CNTNAP2: variants seen among roughly 807,000 people sequenced by gnomAD.
CNTNAP2 encodes the protein contactin associated protein 2.
CNTNAP2 carries 98 observed loss-of-function variants against 155.2 expected under a neutral mutation model. The ratio of observed to expected loss-of-function variants is 0.63; its 90% CI spans 0.54 to 0.75. CNTNAP2 has a LOEUF of 0.75. Among genes scored for constraint, CNTNAP2 ranks in the 30% least tolerant of loss-of-function variants. The pLI is 0.00. For synonymous variants in CNTNAP2, 651 were observed against 631.2 expected (o/e 1.03, Z -0.47); for missense variants, 1,727 against 1,688.1 (o/e 1.02, Z -0.40).
chr7:146,991,837 A>G (rs1390447293), intron 3 of CNTNAP2, among the ~76,000 whole-genome samples: 1 of 152,212 alleles, frequency 6.6e-6, no homozygotes, highest in African/African-American at 2.4e-5. Flanking sequence ...GAACTTAACA[A>G]TGTGAATGGC....
At chr7:147,592,821 A>T (rs1800764692) in intron 12 of CNTNAP2, among the ~76,000 whole-genome samples, 1 of 152,204 alleles carries the variant, frequency 6.6e-6, no homozygotes, top group African/African-American at 2.4e-5. Context: ...GGCCCTAAGG[A>T]CAAATGAAGA....
chr7:147,066,271 G>A (rs571459497), intron 4 of CNTNAP2, among the ~76,000 whole-genome samples: 43 of 151,574 alleles, frequency 2.8e-4, no homozygotes, highest in African/African-American at 7.3e-4. Context: ...AGGTTATTTC[G>A]TCAGTTCTGT....
intron 13 of CNTNAP2, 37 bp downstream of exon 13, chr7:147,639,343 C>T: frequency 6.3e-7 from 1 of 1,591,532 alleles, no homozygotes; most frequent in Non-Finnish European, 8.6e-7. Context: ...TAATCACTAT[C>T]TCAGCTGGTG....
intron 1 of CNTNAP2, among the ~76,000 whole-genome samples, chr7:146,413,577 T>C (rs1348647436): frequency 1.3e-5 from 2 of 152,182 alleles, no homozygotes; most frequent in African/African-American, 4.8e-5. Flanking sequence ...TCATCACATT[T>C]TAATTTTTCT....
intron 13 of CNTNAP2, among the ~76,000 whole-genome samples, chr7:147,794,736 A>G (rs1797865564): frequency 6.7e-6 from 1 of 150,064 alleles, no homozygotes; most frequent in Non-Finnish European, 1.5e-5. Context: ...CTTTATGGGT[A>G]GTTTTTTTTT....
intron 9 of CNTNAP2, among the ~76,000 whole-genome samples, chr7:147,356,843 T>A (rs1309820114): frequency 6.6e-6 from 1 of 152,108 alleles, no homozygotes; most frequent in Non-Finnish European, 1.5e-5. Flanking sequence ...ATTCAAAGTT[T>A]GTGAAACTCT....
intron 1 of CNTNAP2, among the ~76,000 whole-genome samples, chr7:146,133,736 T>C (rs1797753267): frequency 6.6e-6 from 1 of 152,216 alleles, no homozygotes; most frequent in African/African-American, 2.4e-5. Context: ...ATATGTGGCG[T>C]TATTTCTGCA....
intron 15 of CNTNAP2, among the ~76,000 whole-genome samples, chr7:147,995,638 C>T (rs1051397233): frequency 2.2e-4 from 33 of 151,948 alleles, no homozygotes; most frequent in African/African-American, 7.5e-4. Context: ...CTCAGCATCC[C>T]AGGTAGCTGG....
At chr7:147,602,646 C>A (rs1388615505) in intron 12 of CNTNAP2, among the ~76,000 whole-genome samples, 1 of 151,450 alleles carries the variant, frequency 6.6e-6, no homozygotes, top group African/African-American at 2.4e-5. Context: ...CCACTCCCCC[C>A]ACCCCACAAC....
chr7:146,512,149 TTTTTA>T (rs1299024474), intron 1 of CNTNAP2, among the ~76,000 whole-genome samples: 22 of 151,984 alleles, frequency 1.4e-4, no homozygotes, highest in Non-Finnish European at 1.3e-4. Context: ...CCTTTTTCAT[TTTTTA>T]TTTTATTTAT....
At chr7:148,394,378 G>A (rs761522735) in intron 22 of CNTNAP2, among the ~76,000 whole-genome samples, 13 of 152,048 alleles carry the variant, frequency 8.5e-5, no homozygotes, top group Non-Finnish European at 1.6e-4. Context: ...TTGTGACATG[G>A]GAGCAAACTG....
At chr7:147,477,308 A>C (rs540840608) in intron 10 of CNTNAP2, among the ~76,000 whole-genome samples, 56 of 152,306 alleles carry the variant, frequency 3.7e-4, no homozygotes, top group African/African-American at 1.3e-3. Flanking sequence ...GTATAACCTC[A>C]AACTGAAAAT....
At chr7:146,968,986 G>A (rs968007608) in intron 3 of CNTNAP2, among the ~76,000 whole-genome samples, 79 of 148,822 alleles carry the variant, frequency 5.3e-4, no homozygotes, top group South Asian at 2.2e-3. Context: ...CTTTGAATGC[G>A]TCCCAGAGAT....
At chr7:147,366,000 A>C (rs995294751) in intron 9 of CNTNAP2, among the ~76,000 whole-genome samples, 2 of 152,134 alleles carry the variant, frequency 1.3e-5, no homozygotes, top group African/African-American at 4.8e-5. Context: ...TGCTGAAATA[A>C]TTATTTGTGT....
At chr7:146,905,210 A>C (rs1247543059) in intron 3 of CNTNAP2, among the ~76,000 whole-genome samples, 5 of 151,906 alleles carry the variant, frequency 3.3e-5, no homozygotes, top group African/African-American at 1.2e-4. Context: ...GGGAGGGGGA[A>C]ATTGCCTCTG....
intron 18 of CNTNAP2, among the ~76,000 whole-genome samples, chr7:148,205,832 G>T (rs752479825): frequency 6.6e-6 from 1 of 152,126 alleles, no homozygotes; most frequent in African/African-American, 2.4e-5. Context: ...GAGGCCAGGG[G>T]CTAGCTGGGA....
chr7:147,256,118 A>G (rs933914601), intron 8 of CNTNAP2, among the ~76,000 whole-genome samples: 16 of 152,164 alleles, frequency 1.1e-4, no homozygotes, highest in Non-Finnish European at 1.8e-4. Flanking sequence ...TTAAAATAAG[A>G]TTTTGTTACT....
At chr7:148,368,845 G>T (rs1389802242) in intron 21 of CNTNAP2, among the ~76,000 whole-genome samples, 1 of 152,126 alleles carries the variant, frequency 6.6e-6, no homozygotes, top group Non-Finnish European at 1.5e-5. Flanking sequence ...GTTTCACAGT[G>T]TCTTTCTATA....
chr7:147,711,148 T>C (rs1796395426), intron 13 of CNTNAP2, among the ~76,000 whole-genome samples: 1 of 152,206 alleles, frequency 6.6e-6, no homozygotes, highest in South Asian at 2.1e-4. Context: ...TGAATAGCTA[T>C]AGGGTATTTA....
Sources: allele counts gnomAD v4.1 joint callset (sites outside exome capture counted in the v4.1 genomes callset), GRCh38; gene constraint gnomAD v4.1.1; transcripts MANE v1.5; gene names NCBI Gene and HGNC (gene_info 2026-07-23, HGNC 2026-07-21).